The following THSD7B variants were observed in gnomAD, a reference collection of about 807,000 sequenced individuals.
THSD7B encodes the protein thrombospondin type 1 domain containing 7B, also known as thrombospondin type-1 domain-containing protein 7B.
A neutral mutation model predicts 213.6 loss-of-function variants in THSD7B; 138 were observed. The ratio of observed to expected loss-of-function variants is 0.65; its 90% confidence interval spans 0.56 to 0.74. THSD7B has a LOEUF of 0.74. Among genes scored for constraint, THSD7B ranks in the 30% least tolerant of loss-of-function variants. THSD7B has a pLI of 0.00. For synonymous variants in THSD7B, 742 were observed against 687.0 expected (o/e 1.08, Z -1.25); for missense variants, 1,931 against 1,991.5 (o/e 0.97, Z 0.58).
At chr2:137,560,117 T>C (rs1295130747) in intron 15 of THSD7B, among the ~76,000 whole-genome samples, 1 of 146,326 alleles carries the variant, frequency 6.8e-6, no homozygotes, top group Non-Finnish European at 1.5e-5. Flanking sequence ...TTGGTGGGAC[T>C]GTAAACTGGT....
rs554722157 is a variant in THSD7B, at chr2:137,267,648, A to AC, written c.2267-4878dup. On this transcript the variant is annotated intron_variant, in intron 10 of 27. Transcript: ENST00000409968. ...TTTTGGGAAATTATTTACCTCTTCC[A>AC]CCCCCCCATTTTCTTATCTGTAAAA... 6.0e-3 allele frequency among the ~76,000 whole-genome samples: 904 copies of AC among 151,642 alleles called. 9 individuals are homozygous for AC. Among genetic ancestry groups the AC allele is most frequent in the African/African-American group, 0.02 (819 of 41,306 alleles).
At chr2:137,615,635 T>C (rs1682369689) in intron 17 of THSD7B, among the ~76,000 whole-genome samples, 1 of 152,238 alleles carries the variant, frequency 6.6e-6, no homozygotes, top group African/African-American at 2.4e-5. Context: ...GTCCATGCTC[T>C]GTGGACCAAA....
In THSD7B at chr2:137,655,790, T is replaced by C. The variant is rs1393285596; in HGVS notation, c.4105+130T>C. The C allele has an allele frequency of 1.1e-5, 13 of 1,200,500 alleles. No individual in the cohort carries two copies. The Admixed American group carries it at 3.5e-4, about 32-fold the overall frequency. The allele number at this position is 1,200,500 out of a possible 1,614,324, so 74.4% of individuals were successfully genotyped here. ...AATAACTTTAATTCATTTTTAATTG[T>C]GGTTATCACTTTGGTATATACCTAC... is the stretch of plus-strand genomic sequence containing the variant. On this transcript the variant is annotated intron_variant, in intron 22 of 27. Transcript: ENST00000409968.
intron 27 of THSD7B, among the ~76,000 whole-genome samples, chr2:137,669,943 T>C (rs1441386263): frequency 6.6e-6 from 1 of 152,214 alleles, no homozygotes; most frequent in Non-Finnish European, 1.5e-5. Context: ...ATTAATTAGG[T>C]ACATCATTGA....
At chr2:136,791,948 G>T (rs1681972201) in intron 1 of THSD7B, among the ~76,000 whole-genome samples, 1 of 152,004 alleles carries the variant, frequency 6.6e-6, no homozygotes, top group African/African-American at 2.4e-5. Flanking sequence ...ACCTTTTGAA[G>T]AATTATCAGC....
chr2:137,558,083 C>T (rs1234821169), intron 15 of THSD7B, among the ~76,000 whole-genome samples: 2 of 151,616 alleles, frequency 1.3e-5, no homozygotes, highest in Admixed American at 6.6e-5. Context: ...AGCTTACCAA[C>T]CACAAAAAGT....
At chr2:137,025,653 T>A (rs546206974) in intron 2 of THSD7B, among the ~76,000 whole-genome samples, 4 of 152,136 alleles carry the variant, frequency 2.6e-5, no homozygotes, top group Non-Finnish European at 5.9e-5. Flanking sequence ...GAGTCTGAAG[T>A]CAACAGAAGG....
At chr2:136,837,593 G>A (rs1573662065) in intron 1 of THSD7B, among the ~76,000 whole-genome samples, 1 of 152,126 alleles carries the variant, frequency 6.6e-6, no homozygotes, top group Non-Finnish European at 1.5e-5. Flanking sequence ...AAGTAATATT[G>A]GTTATTTCAC....
At chr2:137,219,533 T>A (rs755480819) in intron 7 of THSD7B, among the ~76,000 whole-genome samples, 6 of 152,158 alleles carry the variant, frequency 3.9e-5, no homozygotes, top group Admixed American at 6.5e-5. Flanking sequence ...TTGCATACTT[T>A]ATTCAAAGTC....
intron 14 of THSD7B, among the ~76,000 whole-genome samples, chr2:137,445,667 TTAGA>T (rs1166715320): frequency 2.0e-5 from 3 of 151,818 alleles, no homozygotes; most frequent in African/African-American, 4.8e-5. Context: ...AAAAATACAG[TTAGA>T]TAGAAAGAAT....
chr2:137,115,584 C>T (rs1573832572), intron 5 of THSD7B, among the ~76,000 whole-genome samples: 1 of 151,810 alleles, frequency 6.6e-6, no homozygotes, highest in East Asian at 1.9e-4. Context: ...GTCTGGTATG[C>T]CAGGAATGAA....
intron 10 of THSD7B, among the ~76,000 whole-genome samples, chr2:137,254,379 G>A (rs909804722): frequency 8.5e-5 from 13 of 152,214 alleles, no homozygotes; most frequent in Non-Finnish European, 1.0e-4. Flanking sequence ...TCACACGAAT[G>A]TGGTGACAAG....
At chr2:137,448,780 C>A (rs534483169) in intron 14 of THSD7B, among the ~76,000 whole-genome samples, 29 of 151,276 alleles carry the variant, frequency 1.9e-4, no homozygotes, top group African/African-American at 5.9e-4. Flanking sequence ...GCCTGGGCGA[C>A]AGAGCGAGAC....
At chr2:137,534,344 A>AG (rs1680461949) in intron 15 of THSD7B, among the ~76,000 whole-genome samples, 1 of 151,724 alleles carries the variant, frequency 6.6e-6, no homozygotes, top group East Asian at 1.9e-4. Flanking sequence ...TGTCATTGTG[A>AG]ATACAGGATA....
At chr2:136,808,192 G>A (rs1189237670) in intron 1 of THSD7B, among the ~76,000 whole-genome samples, 1 of 152,178 alleles carries the variant, frequency 6.6e-6, no homozygotes, top group Non-Finnish European at 1.5e-5. Context: ...ACCTCCATGA[G>A]GAACAACTTC....
At chr2:137,325,604 AACACACAC>A (rs1185198583) in intron 12 of THSD7B, among the ~76,000 whole-genome samples, 1 of 152,112 alleles carries the variant, frequency 6.6e-6, no homozygotes, top group African/African-American at 2.4e-5. Flanking sequence ...CAGACACACA[AACACACAC>A]ATGAATACGT....
intron 10 of THSD7B, among the ~76,000 whole-genome samples, chr2:137,267,330 G>T (rs566463016): frequency 2.6e-5 from 4 of 152,200 alleles, no homozygotes; most frequent in African/African-American, 9.6e-5. Context: ...TTAATTTATT[G>T]TTATTCTTCT....
chr2:136,925,018 G>A (rs545533979), intron 2 of THSD7B, among the ~76,000 whole-genome samples: 1 of 152,108 alleles, frequency 6.6e-6, no homozygotes, highest in Admixed American at 6.5e-5. Flanking sequence ...TGTTGATTTT[G>A]TATCCTGCAA....
intron 14 of THSD7B, among the ~76,000 whole-genome samples, chr2:137,432,810 G>A (rs1687214018): frequency 6.6e-6 from 1 of 152,096 alleles, no homozygotes; most frequent in Non-Finnish European, 1.5e-5. Flanking sequence ...ACTCAAGTCA[G>A]TTTCTTCAAG....
Sources: allele counts gnomAD v4.1 joint callset (sites outside exome capture counted in the v4.1 genomes callset), GRCh38; gene constraint gnomAD v4.1.1; transcripts MANE v1.5; gene names NCBI Gene and HGNC (gene_info 2026-07-23, HGNC 2026-07-21).